Variants in ATF1 observed in about 807,000 individuals in gnomAD.
ATF1 encodes the protein cyclic AMP-dependent transcription factor ATF-1.
ATF1 carries 16 observed loss-of-function variants against 34.7 expected under a neutral mutation model. That is an observed-to-expected ratio of 0.46 (90% CI 0.31 to 0.70). The LOEUF (loss-of-function observed/expected upper bound fraction) is 0.70. Ranked by LOEUF, ATF1 falls within the 30% of genes least tolerant of loss-of-function variation. ATF1 has a pLI of 0.05. For synonymous variants in ATF1, 105 were observed against 113.1 expected (o/e 0.93, Z 0.46); for missense variants, 255 against 321.6 (o/e 0.79, Z 1.58).
chr12:50,799,700 C>T (rs1181249970), intron 3 of ATF1, among the ~76,000 whole-genome samples: 2 of 151,968 alleles, frequency 1.3e-5, no homozygotes, highest in Admixed American at 1.3e-4. Flanking sequence ...GATTTCAGAG[C>T]TAAGAAACAC....
At chr12:50,813,974 A>G in intron 4 of ATF1, 36 bp from the exon 5 acceptor site, 1 of 1,580,538 alleles carries the variant, frequency 6.3e-7, no homozygotes, top group Non-Finnish European at 8.6e-7. Flanking sequence ...TGTATTATAT[A>G]ACCTTACAAT....
chr12:50,813,720 A>G (rs1209651320), intron 4 of ATF1, among the ~76,000 whole-genome samples: 1 of 152,158 alleles, frequency 6.6e-6, no homozygotes, highest in Admixed American at 6.5e-5. Flanking sequence ...AGGCTGAGGC[A>G]CAAGAATGGC....
intron 3 of ATF1, among the ~76,000 whole-genome samples, chr12:50,802,871 CAAAAA>C (rs71443203): frequency 1.1e-4 from 5 of 46,920 alleles, no homozygotes; most frequent in Admixed American, 7.5e-4. Flanking sequence ...GACTCCATCT[CAAAAA>C]AAAAAAAAAA....
chr12:50,764,498 G>C (rs1009368094), intron 1 of ATF1, 191 bp downstream of exon 1: 2 of 152,134 alleles, frequency 1.3e-5, no homozygotes, highest in African/African-American at 4.8e-5. Context: ...TCGGTGCAGA[G>C]CTGCGCTGCG....
chr12:50,763,476 G>A (rs1290944802), upstream of ATF1, among the ~76,000 whole-genome samples: 1 of 149,398 alleles, frequency 6.7e-6, no homozygotes, highest in Non-Finnish European at 1.5e-5. Flanking sequence ...CAAGCCGAGC[G>A]TGGTAGCGCG....
intron 6 of ATF1, among the ~76,000 whole-genome samples, chr12:50,816,404 C>CA (rs1941843838): frequency 6.6e-6 from 1 of 152,022 alleles, no homozygotes; most frequent in African/African-American, 2.4e-5. Flanking sequence ...TTAAAGGGTA[C>CA]AAACCCATAC....
At chr12:50,774,039 T>C (rs993820595) in intron 1 of ATF1, among the ~76,000 whole-genome samples, 1 of 152,196 alleles carries the variant, frequency 6.6e-6, no homozygotes, top group East Asian at 1.9e-4. Flanking sequence ...TTTTCTTTTT[T>C]CTTTTTTTGG....
chr12:50,819,582 T>C, intron 6 of ATF1, 53 bp from the exon 7 acceptor site: 1 of 1,585,124 alleles, frequency 6.3e-7, no homozygotes, highest in Non-Finnish European at 8.6e-7. Context: ...ACATTTACCA[T>C]TTAAAGAATG....
intron 1 of ATF1, among the ~76,000 whole-genome samples, chr12:50,773,444 C>CTTTTTTTTTTTTTTTTTTTTTTTTTTT (rs71086476): frequency 1.1e-5 from 1 of 89,568 alleles, no homozygotes; most frequent in African/African-American, 4.5e-5. Flanking sequence ...AATTGCCATT[C>CTTTTTTTTTTTTTTTTTTTTTTTTTTT]TTTTTTTTTT....
At chr12:50,799,939 C>G (rs1309818612) in intron 3 of ATF1, among the ~76,000 whole-genome samples, 1 of 152,112 alleles carries the variant, frequency 6.6e-6, no homozygotes, top group Non-Finnish European at 1.5e-5. Context: ...AGAAAAAATA[C>G]TTGAAAAAAT....
intron 6 of ATF1, 86 bp downstream of exon 6, chr12:50,814,525 G>C (rs1941803015): frequency 7.4e-7 from 1 of 1,347,790 alleles, no homozygotes. Flanking sequence ...ACTGTATACA[G>C]TCATGGGCTG....
At chr12:50,767,220 TAA>T (rs71086474) in intron 1 of ATF1, among the ~76,000 whole-genome samples, 3 of 147,380 alleles carry the variant, frequency 2.0e-5, no homozygotes, top group Non-Finnish European at 4.5e-5. Context: ...AGTGAATGGT[TAA>T]AAAAAAAAAA....
At chr12:50,774,420 A>G (rs957649917) in intron 1 of ATF1, among the ~76,000 whole-genome samples, 2 of 152,114 alleles carry the variant, frequency 1.3e-5, no homozygotes, top group Non-Finnish European at 2.9e-5. Flanking sequence ...AGTTCCTTCT[A>G]TTCCCATTGA....
chr12:50,816,758 G>A (rs1290484054), intron 6 of ATF1, among the ~76,000 whole-genome samples: 2 of 152,014 alleles, frequency 1.3e-5, no homozygotes, highest in East Asian at 3.9e-4. Flanking sequence ...GCTAGATGTG[G>A]TAGAGGCAGG....
intron 4 of ATF1, among the ~76,000 whole-genome samples, chr12:50,812,470 A>G (rs1197020696): frequency 6.6e-6 from 1 of 152,154 alleles, no homozygotes; most frequent in Non-Finnish European, 1.5e-5. Context: ...ATAAATGTGT[A>G]TGTGTATATA....
intron 2 of ATF1, among the ~76,000 whole-genome samples, chr12:50,783,927 G>A (rs1430622388): frequency 6.6e-6 from 1 of 151,618 alleles, no homozygotes; most frequent in Non-Finnish European, 1.5e-5. Context: ...CAGCACTTTG[G>A]GATGCTGAGG....
chr12:50,790,234 T>G, intron 2 of ATF1, among the ~76,000 whole-genome samples: 1 of 151,014 alleles, frequency 6.6e-6, no homozygotes. Flanking sequence ...GTTATTACTT[T>G]GTCACCCAGG....
chr12:50,767,823 G>A (rs1003571194), intron 1 of ATF1, among the ~76,000 whole-genome samples: 1 of 151,576 alleles, frequency 6.6e-6, no homozygotes, highest in Non-Finnish European at 1.5e-5. Flanking sequence ...TTCTGGGAAG[G>A]TCAACAGAGA....
intron 3 of ATF1, among the ~76,000 whole-genome samples, chr12:50,797,215 G>T (rs1372705965): frequency 2.0e-5 from 3 of 152,184 alleles, no homozygotes; most frequent in Non-Finnish European, 4.4e-5. Context: ...GAGAGAAAAT[G>T]ATAATGACTG....
Sources: allele counts gnomAD v4.1 joint callset (sites outside exome capture counted in the v4.1 genomes callset), GRCh38; gene constraint gnomAD v4.1.1; transcripts MANE v1.5; gene names NCBI Gene and HGNC (gene_info 2026-07-23, HGNC 2026-07-21).